Variants in SUPT3H observed in about 807,000 individuals in gnomAD.
The protein encoded by SUPT3H is SPT3 homolog, SAGA and STAGA complex component, also known as transcription initiation protein SPT3 homolog.
SUPT3H carries 44 observed loss-of-function variants against 44.3 expected under a neutral mutation model. The ratio of observed to expected loss-of-function variants is 0.99; its 90% CI spans 0.78 to 1.28. The LOEUF is 1.28. SUPT3H is among the 50% of genes most tolerant of loss of function. The pLI is 0.00. For synonymous variants in SUPT3H, 124 were observed against 125.6 expected, an observed-to-expected ratio of 0.99 and a Z score of 0.09; for missense variants, 380 against 387.1, an observed-to-expected ratio of 0.98 and a Z score of 0.15.
intron 6 of SUPT3H, among the ~76,000 whole-genome samples, chr6:44,995,926 A>G (rs1781209821): frequency 6.6e-6 from 1 of 151,990 alleles, no homozygotes; most frequent in Admixed American, 6.6e-5. Flanking sequence ...GCATGTTGGT[A>G]TATTTCTCCT....
intron 9 of SUPT3H, among the ~76,000 whole-genome samples, chr6:44,949,171 A>T (rs577852074): frequency 1.3e-5 from 2 of 152,234 alleles, no homozygotes; most frequent in Admixed American, 1.3e-4. Flanking sequence ...GTTCTCACTC[A>T]TAGGTGGGAT....
chr6:44,906,037 A>C (rs1037061826), intron 10 of SUPT3H, among the ~76,000 whole-genome samples: 1 of 151,588 alleles, frequency 6.6e-6, no homozygotes, highest in Admixed American at 6.6e-5. Flanking sequence ...CGGTGGGGGG[A>C]TGGGGAGGGA....
At chr6:45,150,726 T>TG (rs1806806919) in intron 2 of SUPT3H, among the ~76,000 whole-genome samples, 1 of 139,682 alleles carries the variant, frequency 7.2e-6, no homozygotes, top group South Asian at 2.3e-4. Flanking sequence ...CTGCGTTTTT[T>TG]TTTTTTTTTT....
intron 2 of SUPT3H, among the ~76,000 whole-genome samples, chr6:45,154,836 C>T (rs1807555330): frequency 6.6e-6 from 1 of 152,140 alleles, no homozygotes; most frequent in South Asian, 2.1e-4. Context: ...AACGTGTATG[C>T]CCTTTCCCCT....
chr6:45,345,944 A>T (rs1790762877), intron 2 of SUPT3H, among the ~76,000 whole-genome samples: 1 of 152,078 alleles, frequency 6.6e-6, no homozygotes, highest in South Asian at 2.1e-4. Context: ...TGTGTCTTTG[A>T]TCATGCTGTC....
chr6:45,299,846 T>C (rs1306429974), intron 2 of SUPT3H, among the ~76,000 whole-genome samples: 1 of 134,838 alleles, frequency 7.4e-6, no homozygotes, highest in Non-Finnish European at 1.5e-5. Context: ...AATTTTTATC[T>C]ATAGGAAAAA....
rs369572813 is a variant in SUPT3H, at chr6:45,073,620, T to C, written c.186+32302A>G. Among the ~76,000 whole-genome samples the C allele has an allele frequency of 4.4e-4, 67 of 152,180 alleles. 2 individuals carry two copies. In the South Asian group the frequency reaches 0.013, roughly 30 times the overall value. The stretch of plus-strand genomic sequence containing the variant: ...TTTATATAGAATAGTCACTAATTTA[T>C]GCTACTATATCTAATACCTTGATTT... On this transcript the variant is annotated intron_variant, in intron 3 of 10. Coordinates refer to ENST00000371459, the MANE Select transcript of SUPT3H (RefSeq NM_003599.4).
At chr6:45,051,321 C>T (rs970847295) in intron 3 of SUPT3H, among the ~76,000 whole-genome samples, 1 of 151,906 alleles carries the variant, frequency 6.6e-6, no homozygotes, top group Non-Finnish European at 1.5e-5. Context: ...ATATGAAAGG[C>T]CTGTTATATT....
chr6:45,153,197 C>CT (rs1703547368), intron 2 of SUPT3H, among the ~76,000 whole-genome samples: 1 of 152,208 alleles, frequency 6.6e-6, no homozygotes, highest in Admixed American at 6.5e-5. Context: ...GGACTTACCA[C>CT]TATCAGACAT....
intron 3 of SUPT3H, among the ~76,000 whole-genome samples, chr6:45,060,125 A>G (rs924639921): frequency 1.3e-5 from 2 of 152,182 alleles, no homozygotes; most frequent in Non-Finnish European, 2.9e-5. Flanking sequence ...ACCAAAAAAG[A>G]GCCCGTATAG....
At chr6:45,133,265 ATACT>A (rs1803759855) in intron 2 of SUPT3H, among the ~76,000 whole-genome samples, 1 of 152,174 alleles carries the variant, frequency 6.6e-6, no homozygotes, top group African/African-American at 2.4e-5. Flanking sequence ...TCCAACCAAC[ATACT>A]TAGTTTCCTG....
intron 10 of SUPT3H, among the ~76,000 whole-genome samples, chr6:44,832,723 G>A (rs971941346): frequency 6.6e-6 from 1 of 152,098 alleles, no homozygotes; most frequent in Middle Eastern, 3.4e-3. Flanking sequence ...CCCAATTTTT[G>A]ACATTCATTT....
At chr6:45,121,027 C>G (rs1801586354) in intron 2 of SUPT3H, among the ~76,000 whole-genome samples, 1 of 152,112 alleles carries the variant, frequency 6.6e-6, no homozygotes, top group South Asian at 2.1e-4. Context: ...TACTTTGGAA[C>G]AGGTTGATTA....
intron 3 of SUPT3H, among the ~76,000 whole-genome samples, chr6:45,052,720 A>T (rs1562345171): frequency 6.6e-6 from 1 of 152,158 alleles, no homozygotes; most frequent in Non-Finnish European, 1.5e-5. Flanking sequence ...ACTACACCTT[A>T]CCCTAAACTC....
chr6:45,170,664 A>C (rs1810620210), intron 2 of SUPT3H, among the ~76,000 whole-genome samples: 1 of 152,122 alleles, frequency 6.6e-6, no homozygotes, highest in Non-Finnish European at 1.5e-5. Context: ...TTTTTATTTA[A>C]AATTCTGAAT....
At chr6:44,962,253 A>T (rs150168586) in intron 6 of SUPT3H, among the ~76,000 whole-genome samples, 1 of 152,322 alleles carries the variant, frequency 6.6e-6, no homozygotes, top group African/African-American at 2.4e-5. Context: ...TTTCAGTCAG[A>T]ATCTGGGGCC....
chr6:44,905,539 T>C (rs1456236849), intron 10 of SUPT3H, among the ~76,000 whole-genome samples: 2 of 151,386 alleles, frequency 1.3e-5, no homozygotes, highest in African/African-American at 4.9e-5. Flanking sequence ...GGAGAGGATG[T>C]GGAGAAACAG....
At chr6:45,168,487 T>C (rs1324531) in intron 2 of SUPT3H, among the ~76,000 whole-genome samples, 61,888 of 151,926 alleles carry the variant, frequency 0.41, 13,018 homozygotes, top group East Asian at 0.71. Flanking sequence ...TGGGCACATG[T>C]TCTCAGGACC....
In SUPT3H at chr6:44,899,883, G is replaced by A. The variant is rs151226935; in HGVS notation, c.912+32770C>T. Among the ~76,000 whole-genome samples, 331 of 152,240 alleles carry A rather than the reference G, an allele frequency of 2.2e-3. 1 individual carries two copies. Among genetic ancestry groups the A allele is most frequent in the African/African-American group, 7.6e-3 (317 of 41,538 alleles). ...CATAGACTTTCTGCTGGAAACTAAGGGTGTCTGATTAGATGGTGGAATGTA... is the reference window on the plus strand; with the variant it reads ...CATAGACTTTCTGCTGGAAACTAAGAGTGTCTGATTAGATGGTGGAATGTA... On this transcript the variant is annotated intron_variant, in intron 10 of 10. Transcript: ENST00000371459.
Sources: gnomAD v4.1 joint callset for allele counts (sites outside exome capture counted in the v4.1 genomes callset) on GRCh38, gnomAD v4.1.1 for gene constraint, MANE v1.5 for transcripts, NCBI Gene and HGNC (gene_info 2026-07-23, HGNC 2026-07-21) for gene names.